Variants in INTU observed in about 807,000 individuals in gnomAD.
The protein encoded by INTU is protein inturned.
In INTU, 68 loss-of-function variants were observed where a neutral mutation model predicts 100.5. The ratio of observed to expected loss-of-function variants is 0.68; its 90% CI spans 0.56 to 0.83. The LOEUF is 0.83. INTU is among the 40% of genes least tolerant of loss of function. The pLI, the probability that INTU is intolerant of heterozygous loss-of-function variation, is 0.00. For missense variants in INTU, 1,071 were observed against 1,114.7 expected, an observed-to-expected ratio of 0.96 and a Z score of 0.56; for synonymous variants, 357 against 395.7, an observed-to-expected ratio of 0.90 and a Z score of 1.16.
At chr4:127,696,565 C>G (rs561420345) in intron 8 of INTU, among the ~76,000 whole-genome samples, 1 of 150,638 alleles carries the variant, frequency 6.6e-6, no homozygotes, top group African/African-American at 2.4e-5. Context: ...TTTGTGTCCT[C>G]TCTATTTTTA....
At chr4:127,696,692 A>G (rs1049815285) in intron 8 of INTU, among the ~76,000 whole-genome samples, 1 of 150,294 alleles carries the variant, frequency 6.7e-6, no homozygotes, top group Non-Finnish European at 1.5e-5. Context: ...TTTCTCCTCT[A>G]ATTTTTATTA....
chr4:127,713,825 C>A, intron 14 of INTU, 111 bp from the exon 15 acceptor site: 1 of 682,616 alleles, frequency 1.5e-6, no homozygotes, highest in Non-Finnish European at 2.4e-6. Flanking sequence ...AGAAGAATGT[C>A]ATTGCAGGCA....
intron 8 of INTU, among the ~76,000 whole-genome samples, chr4:127,689,595 A>G (rs528644530): frequency 6.6e-5 from 10 of 152,172 alleles, no homozygotes; most frequent in East Asian, 5.8e-4. Context: ...TCCCCACTCA[A>G]TCATAGTTGC....
chr4:127,688,259 T>C (rs1448502125), intron 8 of INTU, among the ~76,000 whole-genome samples: 5 of 151,934 alleles, frequency 3.3e-5, no homozygotes, highest in Non-Finnish European at 7.4e-5. Flanking sequence ...TCAGTTAAAA[T>C]ACAAAGTCCA....
chr4:127,646,547 G>T (rs1727597372), intron 2 of INTU, among the ~76,000 whole-genome samples: 1 of 152,026 alleles, frequency 6.6e-6, no homozygotes, highest in African/African-American at 2.4e-5. Flanking sequence ...ATTCATTAAG[G>T]GACTGCAAAA....
intron 3 of INTU, among the ~76,000 whole-genome samples, chr4:127,659,852 C>A (rs890964582): frequency 6.6e-6 from 1 of 152,100 alleles, no homozygotes; most frequent in African/African-American, 2.4e-5. Flanking sequence ...GCAAAGGCTT[C>A]TTAAAGGAAA....
intron 2 of INTU, among the ~76,000 whole-genome samples, chr4:127,655,986 C>G (rs989690934): frequency 1.3e-5 from 2 of 152,022 alleles, no homozygotes. Flanking sequence ...ACCCGATTTT[C>G]CAGGTGCGTC....
intron 3 of INTU, among the ~76,000 whole-genome samples, chr4:127,660,700 G>C (rs1009838554): frequency 6.6e-6 from 1 of 152,168 alleles, no homozygotes; most frequent in Non-Finnish European, 1.5e-5. Context: ...CATAGAGAGT[G>C]CGTCCTTGGG....
chr4:127,659,975 A>T (rs1728404490), intron 3 of INTU, among the ~76,000 whole-genome samples: 1 of 152,200 alleles, frequency 6.6e-6, no homozygotes, highest in Admixed American at 6.5e-5. Flanking sequence ...AATATTTGTA[A>T]ATCTATTCTC....
chr4:127,677,504 C>T (rs1729279199), intron 6 of INTU, among the ~76,000 whole-genome samples: 1 of 150,412 alleles, frequency 6.6e-6, no homozygotes, highest in Non-Finnish European at 1.5e-5. Context: ...CTGGAGTGGA[C>T]CTCTAGCAAA....
At chr4:127,647,607 G>A (rs1578535090) in intron 2 of INTU, among the ~76,000 whole-genome samples, 1 of 152,248 alleles carries the variant, frequency 6.6e-6, no homozygotes, top group East Asian at 1.9e-4. Context: ...AGAGATTTCA[G>A]GGATTGAAAC....
intron 6 of INTU, among the ~76,000 whole-genome samples, chr4:127,679,109 C>T (rs1305544241): frequency 2.0e-5 from 3 of 151,638 alleles, no homozygotes; most frequent in Admixed American, 6.6e-5. Flanking sequence ...AAAGCAAGTC[C>T]TGAGTGACCT....
chr4:127,634,959 T>C (rs1472148466), intron 1 of INTU, among the ~76,000 whole-genome samples: 1 of 152,236 alleles, frequency 6.6e-6, no homozygotes, highest in Non-Finnish European at 1.5e-5. Context: ...ATGCCAACCT[T>C]AGTCTTTCTC....
chr4:127,707,175 G>C (rs1180073432), intron 12 of INTU, among the ~76,000 whole-genome samples: 1 of 152,020 alleles, frequency 6.6e-6, no homozygotes, highest in Non-Finnish European at 1.5e-5. Flanking sequence ...GAGGCCAGGA[G>C]TTCAAGACCA....
At position 127,723,079 on chromosome 4, in the gene INTU, C is replaced by T. The variant is rs1446454580; in HGVS notation, c.*6643C>T. The T allele has an allele frequency of 6.6e-6, 1 of 152,154 alleles. No homozygotes were observed. Among genetic ancestry groups the T allele is most frequent in the Non-Finnish European group, 1.5e-5 (1 of 68,042 alleles). 9.4% of individuals were successfully genotyped at this position (152,154 alleles called of 1,614,324 possible). A position where few individuals can be genotyped will look rare whatever the true frequency, so the allele number is the denominator to read the frequency against. On this transcript the variant is annotated 3_prime_UTR_variant, in exon 16 of 16. Transcript: ENST00000335251. The stretch of plus-strand genomic sequence containing the variant: ...TGGTAGCATTGGCTCAGGAGGGAAC[C>T]TCCTGATCTACAAGTTGCAAGGATC...
chr4:127,636,818 A>G (rs961416471), intron 1 of INTU, among the ~76,000 whole-genome samples: 2 of 152,196 alleles, frequency 1.3e-5, no homozygotes, highest in Non-Finnish European at 2.9e-5. Flanking sequence ...TCATGATGCC[A>G]TACTGTTAAC....
chr4:127,704,405 C>T, intron 10 of INTU, 115 bp downstream of exon 10: 1 of 801,322 alleles, frequency 1.2e-6, no homozygotes, highest in East Asian at 2.6e-5. Context: ...ATGTAGGTAC[C>T]ATAAGATTAA....
rs553385478 is a variant in INTU at position 127,720,017 on chromosome 4, G to T, written c.*3581G>T. 2 of 151,870 alleles carry T rather than the reference G, an allele frequency of 1.3e-5. No individual in the cohort carries two copies. The highest frequency in any genetic ancestry group is 2.9e-5 in the Non-Finnish European group (2 of 67,964). The allele number at this position is 151,870 out of a possible 1,614,324, so 9.4% of individuals were successfully genotyped here. On this transcript the variant is annotated 3_prime_UTR_variant, in exon 16 of 16. Transcript: ENST00000335251. Reference sequence around the variant, plus strand: ...TGATTTTGGTTACTTTTTGTCTTCTGCTGGCTTTTGGGTTTGTTTGCTCTT... The same window carrying T: ...TGATTTTGGTTACTTTTTGTCTTCTTCTGGCTTTTGGGTTTGTTTGCTCTT...
rs763311794 is a variant in INTU at position 127,681,450 on chromosome 4, A to G, written c.1182-2959A>G. Among the ~76,000 whole-genome samples the G allele has an allele frequency of 5.3e-5, 8 of 152,190 alleles. No individual in the cohort carries two copies. In the East Asian group the frequency reaches 5.8e-4, roughly 11 times the overall value. Reference sequence around the variant, plus strand: ...ACAGAGCCCTCAGAAATAATGCCTCATATCTACAACTATCTGATCTTTGAC... The same window carrying G: ...ACAGAGCCCTCAGAAATAATGCCTCGTATCTACAACTATCTGATCTTTGAC... On this transcript the variant is annotated intron_variant, in intron 6 of 15. Transcript: ENST00000335251.
Sources: gnomAD v4.1 joint callset for allele counts (sites outside exome capture counted in the v4.1 genomes callset) on GRCh38, gnomAD v4.1.1 for gene constraint, MANE v1.5 for transcripts, NCBI Gene and HGNC (gene_info 2026-07-23, HGNC 2026-07-21) for gene names.